Variants in STK33 observed in about 807,000 individuals in gnomAD.
STK33 encodes serine/threonine-protein kinase 33.
In STK33, 52 loss-of-function variants were observed where a neutral mutation model predicts 58.0. The ratio of observed to expected loss-of-function variants is 0.90; its 90% CI spans 0.72 to 1.13. The LOEUF (loss-of-function observed/expected upper bound fraction) is 1.13. Among genes scored for constraint, STK33 ranks in the 50% most tolerant of loss-of-function variants. The pLI, the probability that STK33 is intolerant of heterozygous loss-of-function variation, is 0.00. For missense variants in STK33, 630 were observed against 604.2 expected, an observed-to-expected ratio of 1.04 and a Z score of -0.45; for synonymous variants, 215 against 200.1, an observed-to-expected ratio of 1.07 and a Z score of -0.63.
At chr11:8,482,955 T>C (rs912376936) in intron 1 of STK33, among the ~76,000 whole-genome samples, 3 of 151,848 alleles carry the variant, frequency 2.0e-5, no homozygotes, top group Admixed American at 2.0e-4. Flanking sequence ...ATGGTTTCGA[T>C]CTCCTGACCT....
intron 1 of STK33, among the ~76,000 whole-genome samples, chr11:8,550,526 T>G (rs1000661962): frequency 6.6e-6 from 1 of 152,190 alleles, no homozygotes; most frequent in African/African-American, 2.4e-5. Flanking sequence ...ACTGAATATC[T>G]TTAACAGCAC....
At chr11:8,365,467 A>G in the STK33 span, among the ~76,000 whole-genome samples, 2 of 152,172 alleles carry the variant, frequency 1.3e-5, no homozygotes, top group African/African-American at 4.8e-5. Context: ...CAGTGACAGT[A>G]ACAAATTCAG....
At chr11:8,463,168 G>A (rs1947776472) in intron 7 of STK33, among the ~76,000 whole-genome samples, 1 of 152,138 alleles carries the variant, frequency 6.6e-6, no homozygotes, top group South Asian at 2.1e-4. Flanking sequence ...GGTTAACCTA[G>A]AGCAGCAGTC....
intron 9 of STK33, among the ~76,000 whole-genome samples, chr11:8,455,977 T>G (rs960493521): frequency 6.6e-6 from 1 of 152,192 alleles, no homozygotes; most frequent in African/African-American, 2.4e-5. Context: ...CTTGTCTCTT[T>G]TTACATAAAT....
At chr11:8,522,368 C>G (rs1196255495) in intron 1 of STK33, among the ~76,000 whole-genome samples, 2 of 151,848 alleles carry the variant, frequency 1.3e-5, no homozygotes, top group African/African-American at 2.4e-5. Context: ...GCAAACTATC[C>G]CAAGGACAGA....
At chr11:8,564,481 A>G (rs1409137500) in intron 1 of STK33, among the ~76,000 whole-genome samples, 1 of 152,224 alleles carries the variant, frequency 6.6e-6, no homozygotes, top group African/African-American at 2.4e-5. Flanking sequence ...TGTCAAAATA[A>G]ATCAAAGTTT....
chr11:8,407,374 T>C (rs1051696054), intron 15 of STK33, among the ~76,000 whole-genome samples: 5 of 152,118 alleles, frequency 3.3e-5, no homozygotes, highest in African/African-American at 1.2e-4. Flanking sequence ...TATAAATGAG[T>C]TGGGAAATAT....
intron 7 of STK33, among the ~76,000 whole-genome samples, chr11:8,462,233 ACTTTTAATAGG>A (rs1488618978): frequency 6.6e-6 from 1 of 151,944 alleles, no homozygotes; most frequent in Admixed American, 6.6e-5. Context: ...AATTACTCCA[ACTTTTAATAGG>A]CTTTTTGATA....
At chr11:8,538,447 T>A (rs1005218224) in intron 1 of STK33, among the ~76,000 whole-genome samples, 4 of 152,236 alleles carry the variant, frequency 2.6e-5, no homozygotes, top group African/African-American at 9.6e-5. Flanking sequence ...GAAATCAGTA[T>A]GCCATCATGC....
chr11:8,444,838 A>T (rs1477816605), intron 11 of STK33, among the ~76,000 whole-genome samples: 1 of 152,188 alleles, frequency 6.6e-6, no homozygotes, highest in East Asian at 1.9e-4. Context: ...AGGAAATTTC[A>T]AACTATTATT....
chr11:8,508,535 G>T (rs1000411883), intron 1 of STK33, among the ~76,000 whole-genome samples: 1 of 152,052 alleles, frequency 6.6e-6, no homozygotes, highest in African/African-American at 2.4e-5. Context: ...GCCTCCCAAA[G>T]CATTGGATTA....
intron 1 of STK33, among the ~76,000 whole-genome samples, chr11:8,537,477 A>G (rs765369974): frequency 1.3e-5 from 2 of 152,204 alleles, no homozygotes; most frequent in Non-Finnish European, 2.9e-5. Context: ...TTCTTGTCAT[A>G]TAATTCCAAC....
chr11:8,486,156 G>A (rs923202262), intron 1 of STK33, among the ~76,000 whole-genome samples: 5 of 152,070 alleles, frequency 3.3e-5, no homozygotes, highest in African/African-American at 7.2e-5. Context: ...ACTCTAGCCA[G>A]AATACTCTTT....
At chr11:8,568,381 G>T (rs1261001022) in intron 1 of STK33, among the ~76,000 whole-genome samples, 2 of 151,940 alleles carry the variant, frequency 1.3e-5, no homozygotes, top group Non-Finnish European at 1.5e-5. Flanking sequence ...TATGTAACTG[G>T]GATCATAAAT....
Position 8,392,268 on chromosome 11 carries a change from T to C in STK33, c.*242A>G. Reference sequence around the variant, plus strand: ...AAAAAACCTTCGTGTACATCTTGAGTTGATTTCCACTGCAGCCCACTGCCA... The same window carrying C: ...AAAAAACCTTCGTGTACATCTTGAGCTGATTTCCACTGCAGCCCACTGCCA... On this transcript the variant is annotated 3_prime_UTR_variant, in exon 16 of 16. Transcript: ENST00000687296. 3.8e-6 allele frequency: 2 copies of C among 530,952 alleles called. No individual in the cohort carries two copies. Among genetic ancestry groups the C allele is most frequent in the East Asian group, 3.1e-5 (1 of 32,774 alleles). 32.9% of individuals were successfully genotyped at this position (530,952 alleles called of 1,614,324 possible).
rs187139865 is a variant in STK33, at chr11:8,492,099, A to G, written c.-465-11485T>C. 5.3e-5 allele frequency among the ~76,000 whole-genome samples: 8 copies of G among 152,352 alleles called. No individual in the cohort carries two copies. In the East Asian group the frequency reaches 1.3e-3, roughly 26 times the overall value. ...GATCTAATTCACACATAACAATATT[A>G]ACCTTAAATGTAAATGGGCTAAATG... On this transcript the variant is annotated intron_variant, in intron 1 of 15. Transcript: ENST00000687296.
the STK33 span, among the ~76,000 whole-genome samples, chr11:8,373,138 G>C: frequency 1.3e-5 from 2 of 152,286 alleles, no homozygotes; most frequent in Admixed American, 1.3e-4. Flanking sequence ...TCACCCTCCG[G>C]GAGGCTGGTC....
the STK33 span, among the ~76,000 whole-genome samples, chr11:8,343,522 CTG>C: frequency 6.6e-6 from 1 of 151,944 alleles, no homozygotes; most frequent in African/African-American, 2.4e-5. Context: ...ACATAAAGTA[CTG>C]CTGGAAATCC....
intron 10 of STK33, among the ~76,000 whole-genome samples, chr11:8,453,733 G>A (rs1946545482): frequency 6.6e-6 from 1 of 152,180 alleles, no homozygotes; most frequent in South Asian, 2.1e-4. Context: ...TTTGTCCAGA[G>A]ACAATGAATG....
Sources: gnomAD v4.1 joint callset for allele counts (sites outside exome capture counted in the v4.1 genomes callset) on GRCh38, gnomAD v4.1.1 for gene constraint, MANE v1.5 for transcripts, NCBI Gene and HGNC (gene_info 2026-07-23, HGNC 2026-07-21) for gene names.